The following UNC13C variants were observed in gnomAD, a reference collection of about 807,000 sequenced individuals.
UNC13C encodes protein unc-13 homolog C.
Under a neutral mutation model 245.4 loss-of-function variants are expected in UNC13C, and 174 were observed. That is an observed-to-expected ratio of 0.71 (90% CI 0.63 to 0.80). The LOEUF is 0.80. Ranked by LOEUF, UNC13C falls within the 30% of genes least tolerant of loss-of-function variation. The probability of loss-of-function intolerance (pLI) is 0.00; values close to 1 mark genes in which losing one functional copy is unlikely to be tolerated. For synonymous variants in UNC13C, 992 were observed against 895.1 expected (o/e 1.11, Z -1.93); for missense variants, 2,829 against 2,602.9 (o/e 1.09, Z -1.89).
chr15:54,241,494 C>T (rs1003067221), intron 7 of UNC13C, among the ~76,000 whole-genome samples: 4 of 152,140 alleles, frequency 2.6e-5, no homozygotes, highest in African/African-American at 9.7e-5. Context: ...TTTCAGGCCA[C>T]CTGGATAAGT....
intron 2 of UNC13C, among the ~76,000 whole-genome samples, chr15:54,114,450 A>G (rs944753029): frequency 3.3e-5 from 5 of 152,108 alleles, no homozygotes; most frequent in Admixed American, 6.6e-5. Context: ...TATACAAATG[A>G]TGCTATACCG....
chr15:54,559,546 A>C (rs1417229565), intron 29 of UNC13C, among the ~76,000 whole-genome samples: 1 of 151,980 alleles, frequency 6.6e-6, no homozygotes, highest in Non-Finnish European at 1.5e-5. Flanking sequence ...TATGGTGAGC[A>C]ATGAGGAGGT....
At chr15:54,320,073 C>T (rs2038110249) in intron 13 of UNC13C, among the ~76,000 whole-genome samples, 1 of 151,934 alleles carries the variant, frequency 6.6e-6, no homozygotes, top group Non-Finnish European at 1.5e-5. Flanking sequence ...GAATTGCTTA[C>T]AGAAGATATT....
the UNC13C span, among the ~76,000 whole-genome samples, chr15:53,884,076 C>T: frequency 3.3e-5 from 5 of 151,264 alleles, no homozygotes; most frequent in African/African-American, 4.9e-5. Context: ...AGGGTGCCCA[C>T]GAGACCAGTT....
chr15:54,555,337 G>A (rs62022210), intron 28 of UNC13C, 95 bp from the exon 29 acceptor site: 50,129 of 896,122 alleles, frequency 0.056, 1,796 homozygotes, highest in Admixed American at 0.13. Flanking sequence ...CAAATAGGAA[G>A]TTTGGCATAT....
intron 2 of UNC13C, among the ~76,000 whole-genome samples, chr15:54,098,355 A>T (rs939440831): frequency 6.6e-6 from 1 of 151,996 alleles, no homozygotes; most frequent in East Asian, 1.9e-4. Flanking sequence ...TTGTATTTTT[A>T]GTAGAGACGA....
Position 54,082,464 on chromosome 15 carries a change from A to AT in UNC13C, c.2984-60546dup, listed in dbSNP as rs537077467. Among the ~76,000 whole-genome samples, 212 of 151,968 alleles carry AT rather than the reference A, an allele frequency of 1.4e-3. 2 individuals are homozygous for AT. The highest frequency in any genetic ancestry group is 4.7e-3 in the African/African-American group (193 of 41,456). ...TGTTTCTTATGTGCTTTGTTCATTA[A>AT]TTTTTTTTAAATTTTGTCTGACTGG... On this transcript the variant is annotated intron_variant, in intron 2 of 32. Coordinates refer to ENST00000260323, the MANE Select transcript of UNC13C (RefSeq NM_001080534.3).
At chr15:54,555,723 A>G (rs1424677772) in intron 29 of UNC13C, among the ~76,000 whole-genome samples, 1 of 152,016 alleles carries the variant, frequency 6.6e-6, no homozygotes, top group East Asian at 1.9e-4. Flanking sequence ...AGGATGCCAG[A>G]TTTACCCCTG....
the UNC13C span, chr15:53,914,125 C>T: frequency 1.1e-3 from 16 of 15,072 alleles, 1 homozygote; most frequent in African/African-American, 4.8e-3. Flanking sequence ...GTGCCCAAAG[C>T]TTATATGCCA....
chr15:54,271,009 A>G (rs980583575), intron 10 of UNC13C, among the ~76,000 whole-genome samples: 4 of 152,164 alleles, frequency 2.6e-5, no homozygotes, highest in African/African-American at 9.7e-5. Context: ...TTATCCCCCC[A>G]TTAATTGCAC....
chr15:54,546,350 A>G (rs150527871), intron 26 of UNC13C, among the ~76,000 whole-genome samples: 5,695 of 152,242 alleles, frequency 0.037, 354 homozygotes, highest in African/African-American at 0.13. Flanking sequence ...GGATAGCATT[A>G]GGAGAAATAC....
chr15:54,221,284 C>G (rs75088493), intron 4 of UNC13C, among the ~76,000 whole-genome samples: 1 of 151,752 alleles, frequency 6.6e-6, no homozygotes, highest in Non-Finnish European at 1.5e-5. Context: ...GGTGTTATAG[C>G]TCTGATGAAA....
chr15:54,272,604 G>C (rs1468445146), intron 10 of UNC13C, among the ~76,000 whole-genome samples: 1 of 152,084 alleles, frequency 6.6e-6, no homozygotes. Flanking sequence ...TATGGGATTA[G>C]AATTTATTTA....
chr15:54,365,904 T>C (rs2039354797), intron 17 of UNC13C, among the ~76,000 whole-genome samples: 1 of 152,204 alleles, frequency 6.6e-6, no homozygotes, highest in Non-Finnish European at 1.5e-5. Context: ...TCGTGAGTTT[T>C]TATAAGGGAA....
chr15:53,932,225 C>T, the UNC13C span, among the ~76,000 whole-genome samples: 5 of 152,060 alleles, frequency 3.3e-5, no homozygotes, highest in African/African-American at 1.2e-4. Context: ...AGGAGAATCG[C>T]TTGAACCCGG....
intron 19 of UNC13C, among the ~76,000 whole-genome samples, chr15:54,431,111 A>G (rs572930989): frequency 6.6e-6 from 1 of 151,892 alleles, no homozygotes; most frequent in Admixed American, 6.6e-5. Flanking sequence ...CTGACGGAGT[A>G]CTGGACTTGG....
chr15:54,209,656 G>A (rs35746067), intron 4 of UNC13C, among the ~76,000 whole-genome samples: 40,616 of 151,762 alleles, frequency 0.27, 5,487 homozygotes, highest in Admixed American at 0.29. Context: ...TCAAACAGTC[G>A]GCCCACCCTG....
chr15:54,612,408 T>G (rs1900159799), intron 30 of UNC13C, among the ~76,000 whole-genome samples: 1 of 152,058 alleles, frequency 6.6e-6, no homozygotes, highest in Non-Finnish European at 1.5e-5. Context: ...CTTTATACAT[T>G]AGGGATAGTA....
At chr15:54,228,144 C>T (rs1395896738) in intron 4 of UNC13C, among the ~76,000 whole-genome samples, 2 of 152,078 alleles carry the variant, frequency 1.3e-5, no homozygotes, top group Non-Finnish European at 2.9e-5. Flanking sequence ...TGCCCTAGGC[C>T]CATAGTGAGT....
Sources: allele counts gnomAD v4.1 joint callset (sites outside exome capture counted in the v4.1 genomes callset), GRCh38; gene constraint gnomAD v4.1.1; transcripts MANE v1.5; gene names NCBI Gene and HGNC (gene_info 2026-07-23, HGNC 2026-07-21).